The following PDIA6 variants were observed in gnomAD, a reference collection of about 807,000 sequenced individuals.
PDIA6 encodes the protein protein disulfide isomerase family A member 6.
A neutral mutation model predicts 58.4 loss-of-function variants in PDIA6; 29 were observed. That is an observed-to-expected ratio of 0.50 (90% confidence interval 0.37 to 0.68). PDIA6 has a LOEUF of 0.68. Among genes scored for constraint, PDIA6 ranks in the 30% least tolerant of loss-of-function variants. PDIA6 has a pLI of 0.00. For synonymous variants in PDIA6, 192 were observed against 202.6 expected, an observed-to-expected ratio of 0.95 and a Z score of 0.44; for missense variants, 480 against 551.0, an observed-to-expected ratio of 0.87 and a Z score of 1.29.
At chr2:10,812,068 G>A (rs1338538967) in intron 1 of PDIA6, among the ~76,000 whole-genome samples, 2 of 152,054 alleles carry the variant, frequency 1.3e-5, no homozygotes, top group African/African-American at 4.8e-5. Flanking sequence ...GCGACACCAC[G>A]CCCGACTAAT....
In PDIA6 at chr2:10,784,996, CAGGTGCCGTGGAG is replaced by C; in HGVS notation, c.1179_1191del (p.Ser394Ter). Reference sequence around the variant, plus strand: ...ATGGTAGGGAAAGCCCCGCCTCCTACAGGTGCCGTGGAGCCACGCCCAAAAGAGAGCTCCCTTA... The same window carrying C: ...ATGGTAGGGAAAGCCCCGCCTCCTACCCACGCCCAAAAGAGAGCTCCCTTA... On this transcript the variant is annotated frameshift_variant, in exon 12 of 13. Transcript: ENST00000272227. LOFTEE classifies it high-confidence loss of function. 2 of 1,586,758 alleles carry C rather than the reference CAGGTGCCGTGGAG, an allele frequency of 1.3e-6. No individual in the cohort carries two copies. Among genetic ancestry groups the C allele is most frequent in the Non-Finnish European group, 1.7e-6 (2 of 1,165,048 alleles).
At chr2:10,826,150 G>A (rs566080214) in intron 1 of PDIA6, among the ~76,000 whole-genome samples, 1 of 152,312 alleles carries the variant, frequency 6.6e-6, no homozygotes, top group South Asian at 2.1e-4. Context: ...TAAAAGGAAG[G>A]AAGCGCAGTG....
At chr2:10,815,788 G>A (rs550778494), upstream of PDIA6, among the ~76,000 whole-genome samples, 8 of 152,196 alleles carry the variant, frequency 5.3e-5, no homozygotes, top group South Asian at 2.1e-4. Context: ...CATGTGATCC[G>A]CCTGCCTCGG....
chr2:10,787,248 C>G (rs1332276411), intron 11 of PDIA6, 33 bp downstream of exon 11: 2 of 1,596,426 alleles, frequency 1.3e-6, no homozygotes, highest in Non-Finnish European at 1.7e-6. Context: ...AACAAACAGA[C>G]AAAACAACAA....
intron 1 of PDIA6, chr2:10,821,131 C>A: frequency 2.6e-6 from 1 of 379,752 alleles, no homozygotes. Context: ...AAATATTGCC[C>A]ATCCTTTATG....
chr2:10,793,139 T>TCCTTCACGAGCTGG lies in PDIA6; in HGVS notation c.396_409dup (p.Asp137AlafsTer4). 6.2e-7 allele frequency: 1 copy of TCCTTCACGAGCTGG among 1,614,148 alleles called. No homozygotes were observed. Among genetic ancestry groups the TCCTTCACGAGCTGG allele is most frequent in the South Asian group, 1.1e-5 (1 of 91,084 alleles). On this transcript the variant is annotated stop_gained and frameshift_variant, in exon 5 of 13. Coordinates refer to ENST00000272227, the MANE Select transcript of PDIA6 (RefSeq NM_005742.4). LOFTEE classifies it high-confidence loss of function. ...TCCTCCGCTCCGTCCCCCGAGGCGA[T>TCCTTCACGAGCTGG]CCTTCACGAGCTGGCGCAGAGCACT...
upstream of PDIA6, among the ~76,000 whole-genome samples, chr2:10,837,309 C>A (rs943855117): frequency 6.6e-6 from 1 of 152,002 alleles, no homozygotes; most frequent in Non-Finnish European, 1.5e-5. Flanking sequence ...AAGGAGGCGA[C>A]GGGGAAAAGA....
intron 2 of PDIA6, among the ~76,000 whole-genome samples, chr2:10,801,612 C>A (rs1054311112): frequency 6.6e-6 from 1 of 152,180 alleles, no homozygotes; most frequent in African/African-American, 2.4e-5. Flanking sequence ...ACAGTAAAGG[C>A]ATTAGATGGA....
chr2:10,808,754 C>T (rs190741669), intron 1 of PDIA6, among the ~76,000 whole-genome samples: 186 of 152,268 alleles, frequency 1.2e-3, no homozygotes, highest in African/African-American at 4.2e-3. Flanking sequence ...CATGTGGCTA[C>T]CCCAAACTAA....
At chr2:10,837,610 C>A in exon 1 of PDIA6, 1 of 1,036,454 alleles carries the variant, frequency 9.6e-7, no homozygotes, top group Non-Finnish European at 1.4e-6. Context: ...CCTCATTTTG[C>A]AGTCAGAAAA....
chr2:10,808,451 A>G (rs1035243209), intron 1 of PDIA6, among the ~76,000 whole-genome samples: 3 of 152,140 alleles, frequency 2.0e-5, no homozygotes, highest in African/African-American at 7.2e-5. Context: ...TAGAGACCAG[A>G]GGCAGGCAAA....
At chr2:10,834,286 A>G (rs759760175), upstream of PDIA6, among the ~76,000 whole-genome samples, 38 of 152,256 alleles carry the variant, frequency 2.5e-4, no homozygotes, top group Non-Finnish European at 4.9e-4. Context: ...GCCTCTTTCT[A>G]TGTGGGCCAC....
chr2:10,788,785 A>G lies in PDIA6; in HGVS notation c.926-16T>C, dbSNP rs1665899482. ...CCTGCAGCTCCTGATTTAAATAGAC[A>G]AAGTTTTTTAAAGGTAAAGATAAAG... On this transcript the variant is annotated splice_polypyrimidine_tract_variant and intron_variant, in intron 9 of 12. Coordinates refer to ENST00000272227, the MANE Select transcript of PDIA6 (RefSeq NM_005742.4). The G allele has an allele frequency of 1.9e-6, 3 of 1,596,750 alleles. No homozygotes were observed. Among genetic ancestry groups the G allele is most frequent in the African/African-American group, 1.3e-5 (1 of 74,706 alleles).
chr2:10,791,300 C>T (rs1323976927), intron 6 of PDIA6, among the ~76,000 whole-genome samples: 1 of 152,030 alleles, frequency 6.6e-6, no homozygotes, highest in African/African-American at 2.4e-5. Context: ...CACGCCACCA[C>T]ACCCAGCCAA....
chr2:10,810,205 A>T, intron 1 of PDIA6: 1 of 1,064,660 alleles, frequency 9.4e-7, no homozygotes, highest in Non-Finnish European at 1.4e-6. Context: ...CCATTATTTC[A>T]CAGACCAGGA....
At chr2:10,811,272 G>T (rs1406775979) in intron 1 of PDIA6, among the ~76,000 whole-genome samples, 2 of 152,174 alleles carry the variant, frequency 1.3e-5, no homozygotes, top group Non-Finnish European at 2.9e-5. Context: ...ACTGACACTT[G>T]TAATCCCAGG....
upstream of PDIA6, among the ~76,000 whole-genome samples, chr2:10,832,983 C>T (rs899965473): frequency 6.6e-6 from 1 of 152,020 alleles, no homozygotes; most frequent in African/African-American, 2.4e-5. Context: ...AGAACTCCAG[C>T]CCTCTGGGGT....
At chr2:10,817,526 G>A (rs957672602), upstream of PDIA6, among the ~76,000 whole-genome samples, 2 of 152,212 alleles carry the variant, frequency 1.3e-5, no homozygotes, top group African/African-American at 2.4e-5. Context: ...CTCCACAGTC[G>A]CAGAACTGCA....
intron 1 of PDIA6, chr2:10,821,121 A>C: frequency 4.9e-6 from 2 of 407,874 alleles, no homozygotes; most frequent in Non-Finnish European, 9.0e-6. Context: ...TCTGTTGTTG[A>C]AATATTGCCC....
Sources: allele counts gnomAD v4.1 joint callset (sites outside exome capture counted in the v4.1 genomes callset), GRCh38; gene constraint gnomAD v4.1.1; transcripts MANE v1.5; gene names NCBI Gene and HGNC (gene_info 2026-07-23, HGNC 2026-07-21).